The following GXYLT2 variants were observed in gnomAD, a reference collection of about 807,000 sequenced individuals.
GXYLT2 encodes the protein glycosyltransferase 8 domain containing 4.
A neutral mutation model predicts 45.8 loss-of-function variants in GXYLT2; 53 were observed. The ratio of observed to expected loss-of-function variants is 1.16; its 90% CI spans 0.93 to 1.46. The LOEUF is 1.46. Ranked by LOEUF, GXYLT2 falls within the 40% of genes most tolerant of loss-of-function variation. The pLI is 0.00. For synonymous variants in GXYLT2, 219 were observed against 214.2 expected (o/e 1.02, Z -0.19); for missense variants, 551 against 544.4 (o/e 1.01, Z -0.12).
rs1262413866 is a variant in GXYLT2, at chr3:72,888,359, C to T, written c.126C>T (p.Ala42=). The change falls in exon 1 of 7, where the codon GCC becomes GCT. Residue 42 remains alanine (A), a synonymous_variant. Transcript: ENST00000389617. ...PPALPARPAS[A]PQRHPAPVPA... ...CGCTGCCCGCGCGCCCCGCGTCCGC[C>T]CCGCAGCGCCACCCCGCGCCTGTCC... 9 of 983,052 alleles carry T rather than the reference C, an allele frequency of 9.2e-6. No homozygotes were observed. Among genetic ancestry groups the T allele is most frequent in the African/African-American group, 5.3e-5 (3 of 56,624 alleles). 60.9% of individuals were successfully genotyped at this position (983,052 alleles called of 1,614,324 possible). A position where few individuals can be genotyped will look rare whatever the true frequency, so the allele number is the denominator to read the frequency against.
At chr3:72,947,026 T>C (rs558246324) in intron 3 of GXYLT2, among the ~76,000 whole-genome samples, 3 of 151,946 alleles carry the variant, frequency 2.0e-5, no homozygotes, top group South Asian at 2.1e-4. Flanking sequence ...CTATTATTAA[T>C]ATTATTGAAG....
In GXYLT2 at chr3:72,888,479, G is replaced by C. The variant is rs1709111973; in HGVS notation, c.246G>C (p.Arg82=). Residue 82 remains arginine, a synonymous_variant, in exon 1 of 7, where the codon CGG becomes CGC. Coordinates refer to ENST00000389617, the MANE Select transcript of GXYLT2 (RefSeq NM_001080393.2). ...PPRPRPRAGR[R]GAARLEKLAR... is the part of the protein sequence containing the mutation. ...GTCCGCGCCCCCGAGCGGGCCGCCG[G>C]GGCGCTGCGAGACTGGAGAAGTTGG... The C allele has an allele frequency of 4.0e-6, 5 of 1,252,574 alleles. No individual in the cohort carries two copies. Among genetic ancestry groups the C allele is most frequent in the Non-Finnish European group, 5.0e-6 (5 of 994,056 alleles). The allele number at this position is 1,252,574 out of a possible 1,614,324, so 77.6% of individuals were successfully genotyped here. A position where few individuals can be genotyped will look rare whatever the true frequency, so the allele number is the denominator to read the frequency against.
chr3:72,915,935 G>A (rs917040118), intron 2 of GXYLT2, among the ~76,000 whole-genome samples: 5 of 152,000 alleles, frequency 3.3e-5, no homozygotes, highest in African/African-American at 1.2e-4. Context: ...GAAAGGTAAC[G>A]GCTGCACTTC....
At chr3:72,963,579 T>C in intron 5 of GXYLT2, among the ~76,000 whole-genome samples, 1 of 148,780 alleles carries the variant, frequency 6.7e-6, no homozygotes, top group African/African-American at 2.5e-5. Flanking sequence ...CTTGGCTCAA[T>C]GCAACCTCCA....
chr3:72,942,671 A>G (rs1710322665), intron 3 of GXYLT2, among the ~76,000 whole-genome samples: 1 of 151,996 alleles, frequency 6.6e-6, no homozygotes, highest in African/African-American at 2.4e-5. Context: ...CTCAATCTAA[A>G]CATGCGAAAA....
In GXYLT2 at chr3:72,947,916, C is replaced by T. The variant is rs548324830; in HGVS notation, c.601-7182C>T. Among the ~76,000 whole-genome samples the T allele has an allele frequency of 5.3e-5, 8 of 152,240 alleles. No individual in the cohort carries two copies. The South Asian group carries it at 6.2e-4, about 12-fold the overall frequency. On this transcript the variant is annotated intron_variant, in intron 3 of 6. Transcript: ENST00000389617. Reference sequence around the variant, plus strand: ...TCAAAGCCCTCTGGACATTGCATAACGATGTAAGGATCAACCCATCAGGAA... The same window carrying T: ...TCAAAGCCCTCTGGACATTGCATAATGATGTAAGGATCAACCCATCAGGAA...
At chr3:72,930,388 G>C (rs1304776649) in intron 3 of GXYLT2, among the ~76,000 whole-genome samples, 1 of 151,508 alleles carries the variant, frequency 6.6e-6, no homozygotes, top group Non-Finnish European at 1.5e-5. Context: ...TATAGTCCCA[G>C]CTACTCAGGA....
chr3:72,933,662 A>G (rs911646348), intron 3 of GXYLT2, among the ~76,000 whole-genome samples: 18 of 152,228 alleles, frequency 1.2e-4, no homozygotes, highest in Non-Finnish European at 2.4e-4. Flanking sequence ...TAATCCCAAC[A>G]CTTTAGAAGG....
rs1710620856 is a variant in GXYLT2, at chr3:72,955,359, T to G, written c.852+10T>G. Reference sequence around the variant, plus strand: ...AAGTACCCAGTTCAAGGTAAACGAGTGCTTTAAAATTCCTTGTTTAAAGAC... The same window carrying G: ...AAGTACCCAGTTCAAGGTAAACGAGGGCTTTAAAATTCCTTGTTTAAAGAC... On this transcript the variant is annotated intron_variant, in intron 4 of 6. Transcript: ENST00000389617. 2.5e-6 allele frequency: 4 copies of G among 1,610,766 alleles called. No individual in the cohort carries two copies. The East Asian group carries it at 8.9e-5, about 36-fold the overall frequency.
At chr3:72,954,729 A>G (rs1038947736) in intron 3 of GXYLT2, among the ~76,000 whole-genome samples, 1 of 152,084 alleles carries the variant, frequency 6.6e-6, no homozygotes, top group Non-Finnish European at 1.5e-5. Context: ...TTCCAAGGAA[A>G]ACCTAAGAGA....
rs1308266235 is a variant in GXYLT2, at chr3:72,975,339, T to A, written c.*180T>A. Reference sequence around the variant, plus strand: ...AAAAGGGAATATGCTTTTCCTTATTTTTTTTTCTAAAATGCTATTTATCTC... The same window carrying A: ...AAAAGGGAATATGCTTTTCCTTATTATTTTTTCTAAAATGCTATTTATCTC... On this transcript the variant is annotated 3_prime_UTR_variant, in exon 7 of 7. Coordinates refer to ENST00000389617, the MANE Select transcript of GXYLT2 (RefSeq NM_001080393.2). 7.2e-6 allele frequency: 3 copies of A among 418,562 alleles called. No individual in the cohort carries two copies. Among genetic ancestry groups the A allele is most frequent in the African/African-American group, 2.1e-5 (1 of 47,566 alleles). The allele number at this position is 418,562 out of a possible 1,614,324, so 25.9% of individuals were successfully genotyped here. A position where few individuals can be genotyped will look rare whatever the true frequency, so the allele number is the denominator to read the frequency against.
At chr3:72,966,456 A>ATTTT (rs1301029967) in intron 5 of GXYLT2, among the ~76,000 whole-genome samples, 1 of 65,474 alleles carries the variant, frequency 1.5e-5, no homozygotes, top group African/African-American at 7.1e-5. Context: ...TTTTGTGTGT[A>ATTTT]TCTTTTTTTT....
rs1709095657 is a variant in GXYLT2, at chr3:72,888,058, T to C, written c.-176T>C. ...CCGCCTCCCCCTCCTCTCCTCTCTC[T>C]CCTCCTCCTTCGCCGTCGCCGCCGC... On this transcript the variant is annotated 5_prime_UTR_variant, in exon 1 of 7. Transcript: ENST00000389617. 1 of 190,210 alleles carries C rather than the reference T, an allele frequency of 5.3e-6. No homozygotes were observed. The highest frequency in any genetic ancestry group is 1.8e-4 in the South Asian group (1 of 5,536). The allele number at this position is 190,210 out of a possible 1,614,324, so 11.8% of individuals were successfully genotyped here. A position where few individuals can be genotyped will look rare whatever the true frequency, so the allele number is the denominator to read the frequency against.
At chr3:72,905,738 T>A (rs963891946) in intron 1 of GXYLT2, among the ~76,000 whole-genome samples, 1 of 152,236 alleles carries the variant, frequency 6.6e-6, no homozygotes. Context: ...CAACTTACAC[T>A]GCCCCCACCA....
intron 6 of GXYLT2, among the ~76,000 whole-genome samples, chr3:72,972,563 C>T (rs139992163): frequency 0.011 from 1,581 of 150,468 alleles, 11 homozygotes; most frequent in Middle Eastern, 0.041. Flanking sequence ...ATTTCTTGAA[C>T]CCAGGAAGTG....
At chr3:72,913,231 G>A (rs977541004) in intron 2 of GXYLT2, among the ~76,000 whole-genome samples, 4 of 150,650 alleles carry the variant, frequency 2.7e-5, no homozygotes, top group Admixed American at 6.6e-5. Context: ...GTAGAGACGG[G>A]GTTTCACCGT....
intron 3 of GXYLT2, chr3:72,929,558 T>C: frequency 8.7e-7 from 1 of 1,150,764 alleles, no homozygotes; most frequent in Non-Finnish European, 1.3e-6. Flanking sequence ...AATATCTCTT[T>C]GACAAGCACA....
intron 3 of GXYLT2, among the ~76,000 whole-genome samples, chr3:72,923,877 C>T (rs73838419): frequency 0.029 from 4,435 of 152,188 alleles, 206 homozygotes; most frequent in African/African-American, 0.099. Context: ...GTGATCCTCT[C>T]GCCTTGGCCT....
chr3:72,954,327 C>T (rs747232031), intron 3 of GXYLT2, among the ~76,000 whole-genome samples: 1 of 151,296 alleles, frequency 6.6e-6, no homozygotes, highest in Non-Finnish European at 1.5e-5. Flanking sequence ...AGGATGGTCT[C>T]GATCTCTTGA....
Sources: gnomAD v4.1 joint callset for allele counts (sites outside exome capture counted in the v4.1 genomes callset) on GRCh38, gnomAD v4.1.1 for gene constraint, MANE v1.5 for transcripts, NCBI Gene and HGNC (gene_info 2026-07-23, HGNC 2026-07-21) for gene names.